OAF: variants seen among roughly 807,000 people sequenced by gnomAD.
OAF encodes the protein out at first protein homolog.
Under a neutral mutation model 22.5 loss-of-function variants are expected in OAF, and 13 were observed. The observed-to-expected ratio is 0.58, with a 90% CI of 0.38 to 0.92. The LOEUF is 0.92. Ranked by LOEUF, OAF falls within the 40% of genes least tolerant of loss-of-function variation. OAF has a pLI of 0.00. For synonymous variants in OAF, 175 were observed against 170.5 expected, an observed-to-expected ratio of 1.03 and a Z score of -0.21; for missense variants, 347 against 381.8, an observed-to-expected ratio of 0.91 and a Z score of 0.76.
Position 120,229,210 on chromosome 11 carries a change from C to A in OAF, c.*68C>A. ...CTTCACCAGCCACTAGAGGGGGTGGCAACCCCCACCTGAGGCCTTATTTCC... is the reference window on the plus strand; with the variant it reads ...CTTCACCAGCCACTAGAGGGGGTGGAAACCCCCACCTGAGGCCTTATTTCC... On this transcript the variant is annotated 3_prime_UTR_variant, in exon 4 of 4. Transcript: ENST00000328965. 1 of 1,436,098 alleles carries A rather than the reference C, an allele frequency of 7.0e-7. No individual in the cohort carries two copies. Among genetic ancestry groups the A allele is most frequent in the Non-Finnish European group, 9.6e-7 (1 of 1,037,156 alleles). 89.0% of individuals were successfully genotyped at this position (1,436,098 alleles called of 1,614,324 possible).
At chr11:120,226,325 C>T (rs918204350) in intron 2 of OAF, among the ~76,000 whole-genome samples, 3 of 152,244 alleles carry the variant, frequency 2.0e-5, no homozygotes, top group South Asian at 2.1e-4. Flanking sequence ...AAGCTGCCGG[C>T]CTGCTCCTGC....
chr11:120,211,460 C>A lies in OAF; in HGVS notation c.181C>A (p.Leu61Met). 1 of 1,526,942 alleles carries A rather than the reference C, an allele frequency of 6.5e-7. No homozygotes were observed. The highest frequency in any genetic ancestry group is 2.0e-5 in the Admixed American group (1 of 50,212). The allele number at this position is 1,526,942 out of a possible 1,614,324, so 94.6% of individuals were successfully genotyped here. ...CGACGCGGACAGCATCAGCCTCGAG[C>A]TGCGCAAGCCCGACGGCACCCTCGT... Reference protein sequence around the residue: ...DSDADSISLELRKPDGTLVSF... With the variant: ...DSDADSISLEMRKPDGTLVSF... Residue 61 changes from leucine (L) to methionine (M), a missense_variant, in exon 1 of 4, where the codon CTG becomes ATG. Coordinates refer to ENST00000328965, the MANE Select transcript of OAF (RefSeq NM_178507.4).
chr11:120,220,944 C>T (rs61898285), intron 1 of OAF, among the ~76,000 whole-genome samples: 11,676 of 152,192 alleles, frequency 0.077, 503 homozygotes, highest in Admixed American at 0.14. Flanking sequence ...GGTGGGGGCA[C>T]TGGGAGACTC....
intron 1 of OAF, 55 bp from the exon 2 acceptor site, chr11:120,225,594 GCACCCGGTGGGC>G: frequency 6.9e-7 from 1 of 1,442,054 alleles, no homozygotes; most frequent in Middle Eastern, 1.9e-4. Context: ...GCCAAGCTGA[GCACCCGGTGGGC>G]CAGTGGGAAG....
rs1938140577 is a variant in OAF at position 120,211,314 on chromosome 11, C to A, written c.35C>A (p.Ala12Glu). Reference protein sequence around the residue: ...RLPGVPLARPALLLLLPLLAP... With the variant: ...RLPGVPLARPELLLLLPLLAP... ...CCCGGGGTACCCCTGGCGCGCCCTG[C>A]GCTGCTGCTGCTGCTGCCGCTGCTC... Residue 12 changes from alanine to glutamate, a missense_variant, in exon 1 of 4, where the codon GCG (alanine) becomes GAG (glutamate). Coordinates refer to ENST00000328965, the MANE Select transcript of OAF (RefSeq NM_178507.4). 7.3e-7 allele frequency: 1 copy of A among 1,367,346 alleles called. No individual in the cohort carries two copies. Among genetic ancestry groups the A allele is most frequent in the Non-Finnish European group, 9.4e-7 (1 of 1,061,748 alleles). 84.7% of individuals were successfully genotyped at this position (1,367,346 alleles called of 1,614,324 possible).
Position 120,229,317 on chromosome 11 carries a change from A to G in OAF, c.*175A>G, listed in dbSNP as rs1261570981. ...GACTGTGAAGGGGGTGTGGCATGGC[A>G]GGGGGTCTCATGAAGGCACCCCCAT... is the stretch of plus-strand genomic sequence containing the variant. On this transcript the variant is annotated 3_prime_UTR_variant, in exon 4 of 4. Transcript: ENST00000328965. 6.2e-6 allele frequency: 4 copies of G among 641,796 alleles called. No homozygotes were observed. The highest frequency in any genetic ancestry group is 1.1e-5 in the Non-Finnish European group (4 of 376,394). The allele number at this position is 641,796 out of a possible 1,614,324, so 39.8% of individuals were successfully genotyped here.
At chr11:120,225,609 G>A in intron 1 of OAF, 52 bp from the exon 2 acceptor site, 1 of 1,485,326 alleles carries the variant, frequency 6.7e-7, no homozygotes. Flanking sequence ...CGGTGGGCCA[G>A]TGGGAAGGTC....
At chr11:120,222,623 C>T (rs910353080) in intron 1 of OAF, among the ~76,000 whole-genome samples, 19 of 150,090 alleles carry the variant, frequency 1.3e-4, no homozygotes, top group African/African-American at 4.7e-4. Flanking sequence ...TTTAAAAAGT[C>T]CTGGCAGAGG....
intron 1 of OAF, among the ~76,000 whole-genome samples, chr11:120,220,008 C>T (rs1006417219): frequency 2.6e-5 from 4 of 152,188 alleles, no homozygotes; most frequent in South Asian, 2.1e-4. Context: ...GTGCGACAGA[C>T]CCCAGGGTCA....
chr11:120,222,377 G>C (rs894449050), intron 1 of OAF, among the ~76,000 whole-genome samples: 4 of 151,966 alleles, frequency 2.6e-5, no homozygotes, highest in African/African-American at 9.7e-5. Flanking sequence ...GGGCAACCTG[G>C]TGAAACCCAG....
Position 120,226,898 on chromosome 11 carries a change from AGG to A in OAF, c.453_454del (p.Ala152ProfsTer116). 6.2e-7 allele frequency: 1 copy of A among 1,612,640 alleles called. No homozygotes were observed. The highest frequency in any genetic ancestry group is 8.5e-7 in the Non-Finnish European group (1 of 1,178,894). On this transcript the variant is annotated frameshift_variant, in exon 3 of 4. Coordinates refer to ENST00000328965, the MANE Select transcript of OAF (RefSeq NM_178507.4). LOFTEE classifies it high-confidence loss of function. ...ATGGATGTCGCTGTCAACTTCAGCC[AGG>A]GGGCCCTGCTGAGCCCCCATCTCCA...
At chr11:120,212,180 G>A (rs989481729) in intron 1 of OAF, among the ~76,000 whole-genome samples, 4 of 146,390 alleles carry the variant, frequency 2.7e-5, no homozygotes, top group African/African-American at 7.6e-5. Flanking sequence ...ACTCTGCCTG[G>A]CAGAGAAGCG....
At chr11:120,219,104 G>A (rs1430916176) in intron 1 of OAF, among the ~76,000 whole-genome samples, 2 of 151,280 alleles carry the variant, frequency 1.3e-5, no homozygotes, top group Non-Finnish European at 3.0e-5. Flanking sequence ...CATGAGATGG[G>A]GAATTCACAG....
intron 1 of OAF, among the ~76,000 whole-genome samples, chr11:120,211,863 C>A (rs1938153699): frequency 6.6e-6 from 1 of 152,126 alleles, no homozygotes; most frequent in African/African-American, 2.4e-5. Flanking sequence ...TGTGGGCTCT[C>A]ACTGTGGGTT....
At chr11:120,220,217 T>C (rs1938263095) in intron 1 of OAF, among the ~76,000 whole-genome samples, 1 of 151,916 alleles carries the variant, frequency 6.6e-6, no homozygotes, top group African/African-American at 2.4e-5. Context: ...CACCCCAGGC[T>C]CAAACCCACC....
chr11:120,212,139 C>T (rs1273460588), intron 1 of OAF, among the ~76,000 whole-genome samples: 1 of 152,026 alleles, frequency 6.6e-6, no homozygotes, highest in Non-Finnish European at 1.5e-5. Context: ...CCAGCTGAGG[C>T]CCCCTCCCTC....
intron 1 of OAF, among the ~76,000 whole-genome samples, chr11:120,211,908 C>T (rs938533679): frequency 2.2e-5 from 2 of 92,016 alleles, no homozygotes; most frequent in Non-Finnish European, 6.3e-5. Context: ...AAGCCTCTTT[C>T]CTCCTATGGG....
intron 1 of OAF, among the ~76,000 whole-genome samples, chr11:120,220,457 G>A (rs1938267276): frequency 6.6e-6 from 1 of 152,192 alleles, no homozygotes; most frequent in African/African-American, 2.4e-5. Flanking sequence ...CTGTGTTCCA[G>A]GGGGCAGGGA....
intron 1 of OAF, among the ~76,000 whole-genome samples, chr11:120,216,261 G>C (rs930906884): frequency 6.6e-6 from 1 of 152,172 alleles, no homozygotes; most frequent in Non-Finnish European, 1.5e-5. Flanking sequence ...CAATGTCCAC[G>C]TTGCCACCTA....
Sources: gnomAD v4.1 joint callset for allele counts (sites outside exome capture counted in the v4.1 genomes callset) on GRCh38, gnomAD v4.1.1 for gene constraint, MANE v1.5 for transcripts, NCBI Gene and HGNC (gene_info 2026-07-23, HGNC 2026-07-21) for gene names.